The following DLGAP2 variants were observed in gnomAD, a reference collection of about 807,000 sequenced individuals.
The protein encoded by DLGAP2 is disks large-associated protein 2.
Under a neutral mutation model 100.3 loss-of-function variants are expected in DLGAP2, and 26 were observed. That is an observed-to-expected ratio of 0.26 (90% CI 0.19 to 0.36). DLGAP2 has a LOEUF of 0.36. Among genes scored for constraint, DLGAP2 ranks in the 10% least tolerant of loss-of-function variants. The pLI is 1.00. For synonymous variants in DLGAP2, 886 were observed against 630.1 expected (o/e 1.41, Z -6.08); for missense variants, 1,858 against 1,453.2 (o/e 1.28, Z -4.53).
intron 1 of DLGAP2, among the ~76,000 whole-genome samples, chr8:822,403 G>T (rs1289172409): frequency 6.6e-6 from 1 of 152,190 alleles, no homozygotes; most frequent in African/African-American, 2.4e-5. Context: ...AAGCAGGAGA[G>T]GCTGCGGACA....
Position 1,694,343 on chromosome 8 carries a change from G to A in DLGAP2, c.2796+2717G>A, listed in dbSNP as rs549368158. ...GCGCAAAGTAGCACCGCTGTCTGCT[G>A]GAAGTTGTTGGTAGGTAACTAAGCT... On this transcript the variant is annotated intron_variant, in intron 13 of 14. Transcript: ENST00000637795. 2.7e-3 allele frequency among the ~76,000 whole-genome samples: 406 copies of A among 152,310 alleles called. 3 individuals are homozygous for A. The highest frequency in any genetic ancestry group is 9.0e-3 in the African/African-American group (376 of 41,564).
At chr8:1,047,590 T>C (rs1802550784) in intron 2 of DLGAP2, among the ~76,000 whole-genome samples, 1 of 152,084 alleles carries the variant, frequency 6.6e-6, no homozygotes, top group Non-Finnish European at 1.5e-5. Context: ...GGTTCTGGGG[T>C]ATGGAAGGCC....
intron 3 of DLGAP2, among the ~76,000 whole-genome samples, chr8:1,371,040 T>C (rs1279804670): frequency 6.6e-6 from 1 of 152,254 alleles, no homozygotes; most frequent in Non-Finnish European, 1.5e-5. Flanking sequence ...TGTAATATGA[T>C]TGCATTAATT....
At chr8:1,417,016 C>T (rs1486941841) in intron 3 of DLGAP2, among the ~76,000 whole-genome samples, 4 of 122,138 alleles carry the variant, frequency 3.3e-5, no homozygotes, top group African/African-American at 1.4e-4. Context: ...CCCCGTCACT[C>T]CTCCGAGCAG....
At chr8:1,547,274 A>C (rs1801573982) in intron 4 of DLGAP2, among the ~76,000 whole-genome samples, 2 of 152,166 alleles carry the variant, frequency 1.3e-5, no homozygotes. Context: ...CAAGGAAGGC[A>C]GCTGTGCCCG....
At chr8:1,116,659 G>A (rs567482979) in intron 2 of DLGAP2, among the ~76,000 whole-genome samples, 19 of 152,248 alleles carry the variant, frequency 1.2e-4, no homozygotes, top group East Asian at 7.7e-4. Context: ...TTAGCCACAC[G>A]TGGTGGCATG....
At chr8:1,604,269 A>G (rs1376127652) in intron 6 of DLGAP2, among the ~76,000 whole-genome samples, 1 of 152,218 alleles carries the variant, frequency 6.6e-6, no homozygotes, top group East Asian at 1.9e-4. Flanking sequence ...TACGAATTTT[A>G]TCTCCTAACA....
intron 2 of DLGAP2, among the ~76,000 whole-genome samples, chr8:1,225,874 G>C (rs1451886): frequency 0.61 from 92,130 of 152,098 alleles, 29,623 homozygotes; most frequent in African/African-American, 0.81. Flanking sequence ...GTTTAAGCAG[G>C]TTGATTTAGC....
chr8:943,274 C>A (rs898502341), intron 2 of DLGAP2, among the ~76,000 whole-genome samples: 7 of 151,896 alleles, frequency 4.6e-5, no homozygotes, highest in Admixed American at 1.3e-4. Context: ...TTGCTGCTTG[C>A]CTTTCTGCAC....
chr8:823,838 T>C (rs896009218), intron 1 of DLGAP2, among the ~76,000 whole-genome samples: 4 of 152,190 alleles, frequency 2.6e-5, no homozygotes, highest in East Asian at 3.9e-4. Context: ...GTCAAGAGTC[T>C]GCGGCCTGGG....
intron 6 of DLGAP2, among the ~76,000 whole-genome samples, chr8:1,569,273 T>C (rs1584937616): frequency 6.6e-6 from 1 of 152,408 alleles, no homozygotes; most frequent in Non-Finnish European, 1.5e-5. Flanking sequence ...TATCACTCCA[T>C]TGATGAGTCC....
chr8:1,629,816 T>C (rs755026650), intron 7 of DLGAP2, among the ~76,000 whole-genome samples: 2 of 152,242 alleles, frequency 1.3e-5, no homozygotes, highest in Non-Finnish European at 2.9e-5. Flanking sequence ...ATCTCACACC[T>C]CTTTAAATGC....
chr8:1,509,852 A>T (rs1800097493), intron 4 of DLGAP2, among the ~76,000 whole-genome samples: 1 of 152,130 alleles, frequency 6.6e-6, no homozygotes, highest in Non-Finnish European at 1.5e-5. Flanking sequence ...CATTGCTCAT[A>T]CGCTGTGACC....
intron 2 of DLGAP2, among the ~76,000 whole-genome samples, chr8:1,215,012 C>G (rs1460129862): frequency 6.6e-6 from 1 of 152,156 alleles, no homozygotes; most frequent in African/African-American, 2.4e-5. Flanking sequence ...TCACTGCCCA[C>G]TTCTGTGTCT....
At chr8:1,188,415 A>G (rs7016616) in intron 2 of DLGAP2, among the ~76,000 whole-genome samples, 102,654 of 110,830 alleles carry the variant, frequency 0.93, 47,493 homozygotes, top group Admixed American at 0.95. Context: ...TTTGCCTCAC[A>G]GAATCGCGCA....
intron 3 of DLGAP2, among the ~76,000 whole-genome samples, chr8:1,310,487 T>G (rs1459476672): frequency 6.6e-6 from 1 of 152,114 alleles, no homozygotes; most frequent in Admixed American, 6.5e-5. Flanking sequence ...TTAATAAACA[T>G]GGGGTTTGGA....
chr8:1,141,129 GA>G, intron 2 of DLGAP2, among the ~76,000 whole-genome samples: 1 of 152,284 alleles, frequency 6.6e-6, no homozygotes, highest in African/African-American at 2.4e-5. Flanking sequence ...GTGCTGCCTG[GA>G]AAAGGCAGCT....
intron 10 of DLGAP2, among the ~76,000 whole-genome samples, chr8:1,675,809 T>G (rs753412427): frequency 6.6e-5 from 10 of 152,044 alleles, no homozygotes; most frequent in Admixed American, 2.0e-4. Flanking sequence ...TTCACAGTTT[T>G]CCTACTTGGT....
At chr8:1,125,146 T>TC (rs780667498) in intron 2 of DLGAP2, among the ~76,000 whole-genome samples, 1 of 152,188 alleles carries the variant, frequency 6.6e-6, no homozygotes, top group Non-Finnish European at 1.5e-5. Context: ...TTTAAATATT[T>TC]CCCCGCTAGG....
Sources: gnomAD v4.1 joint callset for allele counts (sites outside exome capture counted in the v4.1 genomes callset) on GRCh38, gnomAD v4.1.1 for gene constraint, MANE v1.5 for transcripts, NCBI Gene and HGNC (gene_info 2026-07-23, HGNC 2026-07-21) for gene names.